PTPRD: variants seen among roughly 807,000 people sequenced by gnomAD.
The protein encoded by PTPRD is protein tyrosine phosphatase receptor type D.
PTPRD carries 34 observed loss-of-function variants against 214.5 expected under a neutral mutation model. The observed-to-expected ratio is 0.16, with a 90% CI of 0.12 to 0.21. The LOEUF (loss-of-function observed/expected upper bound fraction) is 0.21, where lower values mean the gene tolerates loss of function less well. Among genes scored for constraint, PTPRD ranks in the 10% least tolerant of loss-of-function variants. The pLI, the probability that PTPRD is intolerant of heterozygous loss-of-function variation, is 1.00. For synonymous variants in PTPRD, 1,128 were observed against 845.7 expected (o/e 1.33, Z -5.79); for missense variants, 2,545 against 2,398.7 (o/e 1.06, Z -1.27).
chr9:9,439,179 C>G (rs1190556385), intron 8 of PTPRD, among the ~76,000 whole-genome samples: 1 of 126,300 alleles, frequency 7.9e-6, no homozygotes, highest in African/African-American at 3.1e-5. Flanking sequence ...TAAACAAGAT[C>G]TGTTAATACA....
At chr9:9,416,974 G>T (rs1197810998) in intron 8 of PTPRD, among the ~76,000 whole-genome samples, 1 of 151,968 alleles carries the variant, frequency 6.6e-6, no homozygotes. Context: ...AGTTAATCTG[G>T]GTTTCTACTA....
chr9:8,828,836 C>T (rs1311390946), intron 11 of PTPRD, among the ~76,000 whole-genome samples: 1 of 152,164 alleles, frequency 6.6e-6, no homozygotes, highest in African/African-American at 2.4e-5. Context: ...ATTCTCCTCT[C>T]CATGTAAACT....
At chr9:8,801,330 A>T (rs569098979) in intron 11 of PTPRD, among the ~76,000 whole-genome samples, 1 of 152,290 alleles carries the variant, frequency 6.6e-6, no homozygotes, top group South Asian at 2.1e-4. Context: ...TTAAAAATGG[A>T]GCTTAGATAT....
intron 9 of PTPRD, among the ~76,000 whole-genome samples, chr9:9,243,826 A>G (rs1340822887): frequency 6.6e-6 from 1 of 152,148 alleles, no homozygotes; most frequent in Non-Finnish European, 1.5e-5. Flanking sequence ...AGGGTATTCA[A>G]TTAGGAAAAG....
In PTPRD at chr9:10,518,082, C is replaced by A. The variant is rs533826667; in HGVS notation, c.-600+94316G>T. Among the ~76,000 whole-genome samples, 5 of 152,246 alleles carry A rather than the reference C, an allele frequency of 3.3e-5. No homozygotes were observed. In the South Asian group the frequency reaches 1.0e-3, roughly 32 times the overall value. On this transcript the variant is annotated intron_variant, in intron 2 of 45. Transcript: ENST00000381196. Reference sequence around the variant, plus strand: ...TCACATGGGTGAATGGACTCAATGACCTCAATCCATTGTTCTATTCCATTG... The same window carrying A: ...TCACATGGGTGAATGGACTCAATGAACTCAATCCATTGTTCTATTCCATTG...
chr9:8,435,723 A>ACG (rs1385420136), intron 35 of PTPRD, among the ~76,000 whole-genome samples: 3 of 152,018 alleles, frequency 2.0e-5, no homozygotes, highest in South Asian at 2.1e-4. Flanking sequence ...ACACACACAC[A>ACG]CACACACGCA....
chr9:8,510,964 T>G (rs1322879163), intron 21 of PTPRD, among the ~76,000 whole-genome samples: 1 of 152,176 alleles, frequency 6.6e-6, no homozygotes, highest in African/African-American at 2.4e-5. Context: ...TACCAAATAT[T>G]GGGTCTACAG....
chr9:9,866,474 C>T (rs2063977439), intron 5 of PTPRD, among the ~76,000 whole-genome samples: 1 of 150,178 alleles, frequency 6.7e-6, no homozygotes, highest in African/African-American at 2.5e-5. Flanking sequence ...CTAGATAAAG[C>T]TCGTATTCTT....
intron 8 of PTPRD, among the ~76,000 whole-genome samples, chr9:9,420,025 A>G (rs2078209661): frequency 6.6e-6 from 1 of 151,612 alleles, no homozygotes; most frequent in African/African-American, 2.4e-5. Flanking sequence ...CAGGTTACAG[A>G]AAAAATATAT....
intron 3 of PTPRD, among the ~76,000 whole-genome samples, chr9:10,141,306 A>C (rs183587879): frequency 0.051 from 7,804 of 152,224 alleles, 293 homozygotes; most frequent in Admixed American, 0.1. Context: ...AGAGGAAGTC[A>C]AATTGTCCCT....
rs560690057 is a variant in PTPRD, at chr9:9,444,075, T to C, written c.-236-46593A>G. ...GGACTATTTCTTGAGTAAGTCATCCTGTTTGGCCAAACACTGTATAATCAA... is the reference window on the plus strand; with the variant it reads ...GGACTATTTCTTGAGTAAGTCATCCCGTTTGGCCAAACACTGTATAATCAA... On this transcript the variant is annotated intron_variant, in intron 8 of 45. Transcript: ENST00000381196. Among the ~76,000 whole-genome samples the C allele has an allele frequency of 9.8e-5, 15 of 152,336 alleles. No individual in the cohort carries two copies. The East Asian group carries it at 2.7e-3, about 27-fold the overall frequency.
intron 7 of PTPRD, among the ~76,000 whole-genome samples, chr9:9,596,201 G>A (rs1294618361): frequency 6.6e-6 from 1 of 151,832 alleles, no homozygotes; most frequent in Non-Finnish European, 1.5e-5. Flanking sequence ...GTGTCAAAAT[G>A]CCAAACTTAA....
intron 4 of PTPRD, among the ~76,000 whole-genome samples, chr9:9,995,323 A>G (rs186042011): frequency 6.6e-6 from 1 of 152,322 alleles, no homozygotes; most frequent in African/African-American, 2.4e-5. Context: ...TAAAAAGAGA[A>G]CAATCAAACA....
chr9:8,438,588 G>T (rs2095436767), intron 34 of PTPRD: 1 of 152,180 alleles, frequency 6.6e-6, no homozygotes, highest in South Asian at 2.1e-4. Context: ...CGAAAAGAAT[G>T]GAAATGCAAA....
At chr9:9,220,677 T>C (rs532592851) in intron 9 of PTPRD, among the ~76,000 whole-genome samples, 4 of 152,224 alleles carry the variant, frequency 2.6e-5, no homozygotes, top group South Asian at 4.1e-4. Flanking sequence ...GTAGTTAGTA[T>C]TCCTACAGCA....
chr9:9,976,901 G>C (rs2095376800), intron 4 of PTPRD, among the ~76,000 whole-genome samples: 1 of 151,950 alleles, frequency 6.6e-6, no homozygotes, highest in South Asian at 2.1e-4. Context: ...CAACAAATTT[G>C]ATTTGGCGAT....
intron 9 of PTPRD, among the ~76,000 whole-genome samples, chr9:9,384,272 A>T (rs1201627403): frequency 6.9e-6 from 1 of 144,008 alleles, no homozygotes; most frequent in African/African-American, 2.5e-5. Context: ...TGTATTGTAA[A>T]ATTTTGTGTG....
chr9:8,472,269 AAC>A (rs376085094), intron 30 of PTPRD, among the ~76,000 whole-genome samples: 3 of 152,090 alleles, frequency 2.0e-5, no homozygotes, highest in Non-Finnish European at 4.4e-5. Context: ...TGAAAATGAA[AAC>A]ACACACACAC....
chr9:8,879,079 G>A (rs796910216), intron 11 of PTPRD, among the ~76,000 whole-genome samples: 27 of 152,232 alleles, frequency 1.8e-4, no homozygotes, highest in African/African-American at 6.0e-4. Context: ...TAAGTTACAC[G>A]CATTCACACT....
Sources: gnomAD v4.1 joint callset for allele counts (sites outside exome capture counted in the v4.1 genomes callset) on GRCh38, gnomAD v4.1.1 for gene constraint, MANE v1.5 for transcripts, NCBI Gene and HGNC (gene_info 2026-07-23, HGNC 2026-07-21) for gene names.